Variants in DNAH8 observed in about 807,000 individuals in gnomAD.
DNAH8 encodes axonemal beta dynein heavy chain 8.
In DNAH8, 382 loss-of-function variants were observed where a neutral mutation model predicts 562.1. The ratio of observed to expected loss-of-function variants is 0.68; its 90% CI spans 0.63 to 0.74. The LOEUF is 0.74. Ranked by LOEUF, DNAH8 falls within the 30% of genes least tolerant of loss-of-function variation. The pLI, the probability that DNAH8 is intolerant of heterozygous loss-of-function variation, is 0.00. For synonymous variants in DNAH8, 1,881 were observed against 1,919.4 expected, an observed-to-expected ratio of 0.98 and a Z score of 0.52; for missense variants, 5,203 against 5,620.4, an observed-to-expected ratio of 0.93 and a Z score of 2.37.
At chr6:38,889,328 A>G (rs1779177963) in intron 57 of DNAH8, among the ~76,000 whole-genome samples, 1 of 152,046 alleles carries the variant, frequency 6.6e-6, no homozygotes, top group Non-Finnish European at 1.5e-5. Context: ...TTTTTTTACC[A>G]GTTCAGAAGT....
At chr6:38,769,707 A>G (rs1401303652) in intron 11 of DNAH8, among the ~76,000 whole-genome samples, 1 of 152,178 alleles carries the variant, frequency 6.6e-6, no homozygotes, top group African/African-American at 2.4e-5. Context: ...ATCAGCTGAT[A>G]TGGGGATTAC....
intron 26 of DNAH8, among the ~76,000 whole-genome samples, chr6:38,816,328 C>T (rs922756066): frequency 1.3e-5 from 2 of 152,118 alleles, no homozygotes; most frequent in Non-Finnish European, 2.9e-5. Context: ...CAAGTGAGAA[C>T]ATGTAGTGTT....
chr6:38,986,810 G>A (rs1583512750), intron 87 of DNAH8, among the ~76,000 whole-genome samples: 1 of 152,176 alleles, frequency 6.6e-6, no homozygotes. Flanking sequence ...CAGACAAGAG[G>A]AAGGGCTGCA....
intron 45 of DNAH8, among the ~76,000 whole-genome samples, chr6:38,866,302 A>G (rs995696075): frequency 3.3e-5 from 5 of 152,052 alleles, no homozygotes; most frequent in African/African-American, 7.2e-5. Flanking sequence ...GTTCTTTTCT[A>G]TTTTTAAGCC....
rs751140662 is a variant in DNAH8, at chr6:38,734,437, T to C, written c.611-37T>C. Reference sequence around the variant, plus strand: ...GTAACTTATCTCATTTGATTAGTTGTGTGATTATACGCTAAGTTCTTGACT... The same window carrying C: ...GTAACTTATCTCATTTGATTAGTTGCGTGATTATACGCTAAGTTCTTGACT... On this transcript the variant is annotated intron_variant, in intron 4 of 92. Transcript: ENST00000327475. 22 of 1,604,958 alleles carry C rather than the reference T, an allele frequency of 1.4e-5. 1 individual carries two copies. The Middle Eastern group carries it at 5.3e-4, about 39-fold the overall frequency.
chr6:38,734,432 A>G (rs1469168469), intron 4 of DNAH8, 42 bp from the exon 5 acceptor site: 1 of 1,587,602 alleles, frequency 6.3e-7, no homozygotes, highest in East Asian at 2.5e-5. Context: ...TCATTTGATT[A>G]GTTGTGTGAT....
At chr6:38,912,387 C>T (rs1780971828) in intron 66 of DNAH8, among the ~76,000 whole-genome samples, 2 of 152,106 alleles carry the variant, frequency 1.3e-5, no homozygotes, top group Non-Finnish European at 2.9e-5. Flanking sequence ...ATCACTTGAG[C>T]CCTGGAGGTC....
Position 38,882,898 on chromosome 6 carries a change from C to G in DNAH8, c.7859-12C>G. On this transcript the variant is annotated splice_polypyrimidine_tract_variant and intron_variant, in intron 53 of 92. Transcript: ENST00000327475. ...ATGGTTCTATTAAGATGAAATTTTACTTATTATATAGGTGATTGGGAGCAC... is the reference window on the plus strand; with the variant it reads ...ATGGTTCTATTAAGATGAAATTTTAGTTATTATATAGGTGATTGGGAGCAC... 1.3e-6 allele frequency: 2 copies of G among 1,502,676 alleles called. No homozygotes were observed. Among genetic ancestry groups the G allele is most frequent in the Non-Finnish European group, 1.8e-6 (2 of 1,128,748 alleles). The allele number at this position is 1,502,676 out of a possible 1,614,324, so 93.1% of individuals were successfully genotyped here.
At chr6:38,715,960 A>ATATATAT (rs1372342002) in intron 1 of DNAH8, among the ~76,000 whole-genome samples, 38 of 23,626 alleles carry the variant, frequency 1.6e-3, no homozygotes, top group Non-Finnish European at 2.2e-3. Flanking sequence ...ATATATATAT[A>ATATATAT]TTTTTTTTTT....
Position 38,750,459 on chromosome 6 carries a change from A to G in DNAH8, c.1294-17A>G, listed in dbSNP as rs762423521. ...TATTTGGATGTTTCATAGAATTCTT[A>G]TACCTTTTTTTCTTAGAATTGGCGT... On this transcript the variant is annotated splice_polypyrimidine_tract_variant and intron_variant, in intron 8 of 92. Coordinates refer to ENST00000327475, the MANE Select transcript of DNAH8 (RefSeq NM_001206927.2). 2.6e-6 allele frequency: 4 copies of G among 1,564,598 alleles called. No homozygotes were observed. Among genetic ancestry groups the G allele is most frequent in the African/African-American group, 2.7e-5 (2 of 74,008 alleles).
chr6:38,845,461 G>A (rs367544767), intron 35 of DNAH8, 113 bp from the exon 36 acceptor site: 1 of 712,810 alleles, frequency 1.4e-6, no homozygotes, highest in East Asian at 2.7e-5. Context: ...ATGACTAAAT[G>A]AACTGGGTGA....
At chr6:38,800,230 A>G (rs1468551462) in intron 21 of DNAH8, among the ~76,000 whole-genome samples, 2 of 148,724 alleles carry the variant, frequency 1.3e-5, no homozygotes, top group African/African-American at 2.5e-5. Context: ...TTTTTTGTGG[A>G]CTTAAGTTTT....
intron 92 of DNAH8, among the ~76,000 whole-genome samples, chr6:39,028,006 G>A (rs1767410442): frequency 6.6e-6 from 1 of 151,982 alleles, no homozygotes; most frequent in East Asian, 1.9e-4. Context: ...CCAAGTTCTA[G>A]CCAAGTTCCC....
rs79190863 is a variant in DNAH8, at chr6:38,739,703, C to T, written c.1116+1731C>T. On this transcript the variant is annotated intron_variant, in intron 7 of 92. Transcript: ENST00000327475. Reference sequence around the variant, plus strand: ...TTACCAGCGCCTTAAAATGTCCTTGCGTTTCTCTTCCCAGTTTTAAACAGC... The same window carrying T: ...TTACCAGCGCCTTAAAATGTCCTTGTGTTTCTCTTCCCAGTTTTAAACAGC... Among the ~76,000 whole-genome samples the T allele has an allele frequency of 7.6e-3, 1,156 of 152,250 alleles. 10 individuals carry two copies. Among genetic ancestry groups the T allele is most frequent in the African/African-American group, 0.022 (918 of 41,538 alleles).
intron 45 of DNAH8, among the ~76,000 whole-genome samples, chr6:38,865,992 T>G (rs1328329230): frequency 6.6e-6 from 1 of 152,230 alleles, no homozygotes; most frequent in East Asian, 1.9e-4. Context: ...TTCAACCTGT[T>G]GCTTCTTAGG....
chr6:38,992,792 A>C (rs1021876215), intron 88 of DNAH8, among the ~76,000 whole-genome samples: 2 of 152,216 alleles, frequency 1.3e-5, no homozygotes, highest in African/African-American at 4.8e-5. Context: ...CGCAAATGTA[A>C]AAGCAATTGG....
intron 41 of DNAH8, among the ~76,000 whole-genome samples, chr6:38,854,722 A>T (rs894470161): frequency 2.0e-5 from 3 of 151,928 alleles, no homozygotes; most frequent in African/African-American, 4.8e-5. Flanking sequence ...TAGGCTGAGG[A>T]TTTAGCATTA....
intron 75 of DNAH8, among the ~76,000 whole-genome samples, chr6:38,930,414 A>G (rs1458199384): frequency 7.2e-6 from 1 of 139,602 alleles, no homozygotes; most frequent in Admixed American, 7.1e-5. Flanking sequence ...ATATTTTCTC[A>G]TTAAATAAAG....
intron 8 of DNAH8, among the ~76,000 whole-genome samples, chr6:38,746,612 A>G (rs142909612): frequency 6.6e-6 from 1 of 152,136 alleles, no homozygotes; most frequent in African/African-American, 2.4e-5. Context: ...TCTTTCATGT[A>G]TTGTTTAAAA....
Sources: allele counts gnomAD v4.1 joint callset (sites outside exome capture counted in the v4.1 genomes callset), GRCh38; gene constraint gnomAD v4.1.1; transcripts MANE v1.5; gene names NCBI Gene and HGNC (gene_info 2026-07-23, HGNC 2026-07-21).